ULK1: variants seen among roughly 807,000 people sequenced by gnomAD.
ULK1 encodes the protein serine/threonine-protein kinase ULK1.
A neutral mutation model predicts 117.5 loss-of-function variants in ULK1; 48 were observed. The ratio of observed to expected loss-of-function variants is 0.41; its 90% confidence interval spans 0.32 to 0.52. The LOEUF is 0.52. Ranked by LOEUF, ULK1 falls within the 20% of genes least tolerant of loss-of-function variation. The pLI is 0.29. For synonymous variants in ULK1, 790 were observed against 637.8 expected, an observed-to-expected ratio of 1.24 and a Z score of -3.60; for missense variants, 1,387 against 1,473.4, an observed-to-expected ratio of 0.94 and a Z score of 0.96.
chr12:131,921,731 A>G lies in ULK1; in HGVS notation c.*370A>G. The G allele has an allele frequency of 1.8e-6, 1 of 567,476 alleles. No homozygotes were observed. Among genetic ancestry groups the G allele is most frequent in the Non-Finnish European group, 3.3e-6 (1 of 299,142 alleles). The allele number at this position is 567,476 out of a possible 1,614,324, so 35.2% of individuals were successfully genotyped here. Reference sequence around the variant, plus strand: ...GCCAAAGCGAGCTCCTGCTTAGGGAAGGTCAGCAGGCACTGTGCCCAGGAA... The same window carrying G: ...GCCAAAGCGAGCTCCTGCTTAGGGAGGGTCAGCAGGCACTGTGCCCAGGAA... On this transcript the variant is annotated 3_prime_UTR_variant, in exon 28 of 28. Coordinates refer to ENST00000321867, the MANE Select transcript of ULK1 (RefSeq NM_003565.4).
rs376599902 is a variant in ULK1 at position 131,920,022 on chromosome 12, C to T, written c.2847C>T (p.Ser949=). ...LNELYKASVV[S]CQGLSLRLQR... is the part of the protein sequence containing the mutation. ...AGCTGTACAAGGCCAGCGTGGTGTC[C>T]TGCCAGGGCCTGAGCCTGCGGCTGC... Residue 949 remains serine (S), a synonymous_variant, in exon 26 of 28, where the codon TCC becomes TCT. Transcript: ENST00000321867. 21 of 1,612,752 alleles carry T rather than the reference C, an allele frequency of 1.3e-5. No individual in the cohort carries two copies. The highest frequency in any genetic ancestry group is 1.7e-5 in the Admixed American group (1 of 60,006).
rs1011730432 is a variant in ULK1, at chr12:131,902,235, C to G, written c.247-4657C>G. 6.6e-6 allele frequency among the ~76,000 whole-genome samples: 1 copy of G among 152,204 alleles called. No homozygotes were observed. Among genetic ancestry groups the G allele is most frequent in the South Asian group, 2.1e-4 (1 of 4,836 alleles). ...GCAGAGTGGTTCTGTCCAGCCACAG[C>G]TGTGGCTTTTGCCACTTTCCGGAGC... On this transcript the variant is annotated intron_variant, in intron 3 of 27. Transcript: ENST00000321867. This position sits in a 1 kb window ranked among gnomAD's most constrained non-coding sequence, Gnocchi z 6.3.
intron 3 of ULK1, among the ~76,000 whole-genome samples, chr12:131,901,859 C>T (rs1396545223): frequency 6.6e-6 from 1 of 152,038 alleles, no homozygotes; most frequent in Non-Finnish European, 1.5e-5. Flanking sequence ...TTGGCGTCTT[C>T]CTGAGGGTCT....
At chr12:131,909,049 C>T (rs1322817941) in intron 7 of ULK1, 78 bp downstream of exon 7, 1 of 1,610,000 alleles carries the variant, frequency 6.2e-7, no homozygotes, top group East Asian at 2.2e-5. Context: ...GTGTGGTGCG[C>T]TCTGCTCTGG....
At chr12:131,906,725 C>T in intron 3 of ULK1, 167 bp from the exon 4 acceptor site, 1 of 783,822 alleles carries the variant, frequency 1.3e-6, no homozygotes, top group Non-Finnish European at 2.1e-6. Context: ...AACACACCCA[C>T]CTACAAAGCA....
chr12:131,906,743 C>T (rs1361961433), intron 3 of ULK1, 149 bp from the exon 4 acceptor site: 2 of 921,606 alleles, frequency 2.2e-6, no homozygotes, highest in Admixed American at 3.7e-5. Context: ...GCACGTGGCC[C>T]AGAGATGTCC....
At chr12:131,910,920 C>T in intron 12 of ULK1, 120 bp downstream of exon 12, 3 of 1,486,752 alleles carry the variant, frequency 2.0e-6, no homozygotes, top group East Asian at 2.5e-5. Context: ...TCACGAAAGA[C>T]ATGGATGAGT....
intron 22 of ULK1, 119 bp from the exon 23 acceptor site, chr12:131,918,378 C>T: frequency 8.2e-7 from 1 of 1,218,780 alleles, no homozygotes; most frequent in Non-Finnish European, 1.1e-6. Context: ...TGGGATATAA[C>T]AGGTGTAAAC....
At chr12:131,912,668 C>T (rs1430328973) in intron 13 of ULK1, among the ~76,000 whole-genome samples, 2 of 152,228 alleles carry the variant, frequency 1.3e-5, no homozygotes, top group South Asian at 2.1e-4. Context: ...CCGAGCCCTC[C>T]GCCTCTCCCA....
chr12:131,899,335 T>C (rs1888999573), intron 3 of ULK1, among the ~76,000 whole-genome samples: 1 of 149,762 alleles, frequency 6.7e-6, no homozygotes, highest in Non-Finnish European at 1.5e-5. Context: ...ATTACAGACA[T>C]GCGCCACCAC....
chr12:131,915,218 G>C lies in ULK1; in HGVS notation c.1509G>C (p.Thr503=). 2.5e-6 allele frequency: 4 copies of C among 1,600,840 alleles called. No individual in the cohort carries two copies. The highest frequency in any genetic ancestry group is 3.4e-6 in the Non-Finnish European group (4 of 1,174,174). The change falls in exon 17 of 28, where the codon ACG becomes ACC. Residue 503 remains threonine, a synonymous_variant. Coordinates refer to ENST00000321867, the MANE Select transcript of ULK1 (RefSeq NM_003565.4). The stretch of plus-strand genomic sequence containing the variant: ...CTCTGGGTGGAGGCCGGCCCTACAC[G>C]CCATCTCCTCAAGGTGCGCCTGCAG... ...KMSLGGGRPY[T]PSPQVGTIPE...
At chr12:131,919,430 C>A (rs1389199912) in intron 24 of ULK1, 42 bp from the exon 25 acceptor site, 2 of 1,587,626 alleles carry the variant, frequency 1.3e-6, no homozygotes, top group South Asian at 1.1e-5. Flanking sequence ...GGCCTGGGGG[C>A]CAGGACCAAC....
At chr12:131,895,522 C>T in intron 1 of ULK1, 79 bp from the exon 2 acceptor site, 2 of 1,231,046 alleles carry the variant, frequency 1.6e-6, no homozygotes, top group South Asian at 2.5e-5. Context: ...CATCTCAGGG[C>T]CCCACCTGTG....
In ULK1 at chr12:131,919,250, G is replaced by A. The variant is rs780312986; in HGVS notation, c.2550G>A (p.Thr850=). The change falls in exon 24 of 28, where the codon ACG becomes ACA. Residue 850 remains threonine, a synonymous_variant. Transcript: ENST00000321867. ...AGATCCTGCGTGGCCTGCGCTTCAC[G>A]CTGCTGTTCGTGCAGCACGTCCTGG... ...HTEILRGLRF[T]LLFVQHVLEI... is the part of the protein sequence containing the mutation. 18 of 1,597,810 alleles carry A rather than the reference G, an allele frequency of 1.1e-5. No homozygotes were observed. Among genetic ancestry groups the A allele is most frequent in the East Asian group, 2.2e-5 (1 of 44,822 alleles).
At chr12:131,910,351 C>T (rs749979661) in intron 11 of ULK1, 47 bp downstream of exon 11, 3 of 1,609,816 alleles carry the variant, frequency 1.9e-6, no homozygotes, top group Non-Finnish European at 2.5e-6. Context: ...CTGCATGCAC[C>T]CCTTCCTCCC....
chr12:131,920,212 T>C, intron 26 of ULK1, 76 bp downstream of exon 26: 1 of 1,543,610 alleles, frequency 6.5e-7, no homozygotes, highest in African/African-American at 1.4e-5. Context: ...GACGGGACCT[T>C]GATGCCCACA....
rs1413735038 is a variant in ULK1 at position 131,922,629 on chromosome 12, G to T, written c.*1268G>T. 2 of 153,918 alleles carry T rather than the reference G, an allele frequency of 1.3e-5. No homozygotes were observed. The highest frequency in any genetic ancestry group is 2.0e-4 in the South Asian group (1 of 4,896). The allele number at this position is 153,918 out of a possible 1,614,324, so 9.5% of individuals were successfully genotyped here. The stretch of plus-strand genomic sequence containing the variant: ...GCCTCCCTTGGTCTGCCCAGCCCTC[G>T]ATTAGCCCTGCCTGAATCAGTAGAT... On this transcript the variant is annotated 3_prime_UTR_variant, in exon 28 of 28. Coordinates refer to ENST00000321867, the MANE Select transcript of ULK1 (RefSeq NM_003565.4).
rs369604500 is a variant in ULK1, at chr12:131,921,246, G to A, written c.3097+11G>A. ...AGAACGTCACCAAGTGTGAGTGCCCGGCTGGGCTGGGGGCTGGGGACTCTG... is the reference window on the plus strand; with the variant it reads ...AGAACGTCACCAAGTGTGAGTGCCCAGCTGGGCTGGGGGCTGGGGACTCTG... On this transcript the variant is annotated intron_variant, in intron 27 of 27. Transcript: ENST00000321867. The A allele has an allele frequency of 1.4e-5, 23 of 1,607,756 alleles. No individual in the cohort carries two copies. Among genetic ancestry groups the A allele is most frequent in the East Asian group, 8.9e-5 (4 of 44,862 alleles).
chr12:131,910,321 C>T lies in ULK1; in HGVS notation c.859+17C>T, dbSNP rs778620020. 13 of 1,613,598 alleles carry T rather than the reference C, an allele frequency of 8.1e-6. No homozygotes were observed. The South Asian group carries it at 1.2e-4, about 15-fold the overall frequency. On this transcript the variant is annotated intron_variant, in intron 11 of 27. Coordinates refer to ENST00000321867, the MANE Select transcript of ULK1 (RefSeq NM_003565.4). ...TCAGGAAATGTGAGTTTCTGTGGGT[C>T]CTGGGGCTCCGCATGGGCCCTGCAT...
Sources: gnomAD v4.1 joint callset for allele counts (sites outside exome capture counted in the v4.1 genomes callset) on GRCh38, gnomAD v4.1.1 for gene constraint, Gnocchi (gnomAD v3.1) non-coding constraint, MANE v1.5 for transcripts, NCBI Gene and HGNC (gene_info 2026-07-23, HGNC 2026-07-21) for gene names.